The following MOXD1 variants were observed in gnomAD, a reference collection of about 807,000 sequenced individuals.
The protein encoded by MOXD1 is DBH-like monooxygenase protein 1.
In MOXD1, 62 loss-of-function variants were observed where a neutral mutation model predicts 66.6. The ratio of observed to expected loss-of-function variants is 0.93; its 90% CI spans 0.76 to 1.15. The LOEUF is 1.15. MOXD1 is among the 50% of genes most tolerant of loss of function. MOXD1 has a pLI of 0.00. For missense variants in MOXD1, 847 were observed against 754.6 expected (o/e 1.12, Z -1.44); for synonymous variants, 303 against 281.9 (o/e 1.07, Z -0.75).
chr6:132,401,074 G>A (rs1352398243), intron 1 of MOXD1, 89 bp downstream of exon 1: 3 of 1,354,348 alleles, frequency 2.2e-6, no homozygotes, highest in East Asian at 3.0e-5. Flanking sequence ...AGAGCTGCGG[G>A]CCCCGGGGAC....
At chr6:132,327,903 T>C in intron 6 of MOXD1, 110 bp downstream of exon 6, 1 of 793,884 alleles carries the variant, frequency 1.3e-6, no homozygotes, top group Non-Finnish European at 2.1e-6. Flanking sequence ...AATATATAGG[T>C]TAATTCCTTC....
At chr6:132,310,672 A>G (rs1369424446) in intron 10 of MOXD1, among the ~76,000 whole-genome samples, 1 of 152,214 alleles carries the variant, frequency 6.6e-6, no homozygotes, top group East Asian at 1.9e-4. Context: ...TGCCACAAAA[A>G]GGAATGAGAT....
At chr6:132,320,478 C>T in intron 9 of MOXD1, 151 bp downstream of exon 9, 3 of 578,158 alleles carry the variant, frequency 5.2e-6, no homozygotes, top group South Asian at 5.7e-5. Context: ...ATGCTAAAAA[C>T]ATCTCTGATG....
chr6:132,396,683 AAT>A (rs1776887369), intron 1 of MOXD1, among the ~76,000 whole-genome samples: 1 of 152,192 alleles, frequency 6.6e-6, no homozygotes, highest in African/African-American at 2.4e-5. Flanking sequence ...AAAATGAAAA[AAT>A]AGACAAGTAT....
chr6:132,352,822 G>A (rs1439826544), intron 4 of MOXD1, among the ~76,000 whole-genome samples: 7 of 152,188 alleles, frequency 4.6e-5, no homozygotes, highest in African/African-American at 7.2e-5. Flanking sequence ...CCAATGTTAC[G>A]TGCATGTATG....
In MOXD1 at chr6:132,351,367, T is replaced by C. The variant is rs544015948; in HGVS notation, c.663+21241A>G. On this transcript the variant is annotated intron_variant, in intron 4 of 11. Coordinates refer to ENST00000367963, the MANE Select transcript of MOXD1 (RefSeq NM_015529.4). ...AATCGTAAAGGGATGCCAGATTTTG[T>C]TGGATGCTTTTTCTGCATCTATTGA... Among the ~76,000 whole-genome samples the C allele has an allele frequency of 1.4e-4, 22 of 152,298 alleles. No individual in the cohort carries two copies. In the South Asian group the frequency reaches 4.3e-3, roughly 30 times the overall value.
At chr6:132,306,962 C>G (rs1261662370) in intron 10 of MOXD1, among the ~76,000 whole-genome samples, 1 of 152,056 alleles carries the variant, frequency 6.6e-6, no homozygotes, top group Non-Finnish European at 1.5e-5. Context: ...AACTAGTGTG[C>G]AAAATCATCA....
intron 4 of MOXD1, among the ~76,000 whole-genome samples, chr6:132,352,307 T>A (rs908164479): frequency 1.3e-5 from 2 of 152,180 alleles, no homozygotes; most frequent in African/African-American, 4.8e-5. Flanking sequence ...CTTTGCTGTA[T>A]CCCACAGATT....
Position 132,322,861 on chromosome 6 carries a change from C to T in MOXD1, c.1123G>A (p.Ala375Thr), listed in dbSNP as rs770792238. ...ACATGAATTCCACTTGGCTTTTCGGCTTCCAGAGCCTACAGGAGACACCGA... is the reference window on the plus strand; with the variant it reads ...ACATGAATTCCACTTGGCTTTTCGGTTTCCAGAGCCTACAGGAGACACCGA... ...TLECLEEALE[A>T]EKPSGIHVFA... Residue 375 changes from alanine (A) to threonine (T), a missense_variant, in exon 8 of 12, where the codon GCC (alanine) becomes ACC (threonine). Physicochemically the swap from Ala to Thr is moderately conservative, Grantham distance 58. Transcript: ENST00000367963. 4 of 1,612,730 alleles carry T rather than the reference C, an allele frequency of 2.5e-6. No homozygotes were observed. In the South Asian group the frequency reaches 4.4e-5, roughly 18 times the overall value.
intron 1 of MOXD1, among the ~76,000 whole-genome samples, chr6:132,400,740 C>A (rs552193080): frequency 5.3e-5 from 8 of 152,098 alleles, no homozygotes; most frequent in Non-Finnish European, 8.8e-5. Context: ...ATTTCCACTC[C>A]TAGACAGCAA....
At chr6:132,345,034 AGGCCAACCCAGG>A (rs1038040866) in intron 4 of MOXD1, among the ~76,000 whole-genome samples, 34 of 152,320 alleles carry the variant, frequency 2.2e-4, no homozygotes, top group Non-Finnish European at 4.3e-4. Flanking sequence ...CAGCAGAGCC[AGGCCAACCCAGG>A]GGCCACGGTC....
intron 4 of MOXD1, among the ~76,000 whole-genome samples, chr6:132,340,620 G>T (rs1459915743): frequency 7.0e-6 from 1 of 143,808 alleles, no homozygotes; most frequent in African/African-American, 2.6e-5. Flanking sequence ...TTTACAACAT[G>T]CTAAAACAAC....
intron 1 of MOXD1, among the ~76,000 whole-genome samples, chr6:132,381,691 T>A (rs1024106917): frequency 6.6e-6 from 1 of 152,156 alleles, no homozygotes; most frequent in Non-Finnish European, 1.5e-5. Context: ...TTCAAGTGGA[T>A]AATCAATGGA....
At position 132,297,098 on chromosome 6, in the gene MOXD1, T is replaced by G. The variant is rs1464469711; in HGVS notation, c.*55A>C. ...AGTGGACACAGTCTTTAACCTGTAC[T>G]TCAAATGACAGGTTCAGATCATAGA... On this transcript the variant is annotated 3_prime_UTR_variant, in exon 12 of 12. Coordinates refer to ENST00000367963, the MANE Select transcript of MOXD1 (RefSeq NM_015529.4). 6.3e-7 allele frequency: 1 copy of G among 1,575,162 alleles called. No individual in the cohort carries two copies. Among genetic ancestry groups the G allele is most frequent in the East Asian group, 2.2e-5 (1 of 44,624 alleles).
intron 8 of MOXD1, among the ~76,000 whole-genome samples, chr6:132,321,454 GT>G (rs1353440095): frequency 2.0e-5 from 3 of 151,888 alleles, no homozygotes; most frequent in African/African-American, 4.8e-5. Context: ...CAATAGAATC[GT>G]GAGGCAAATT....
At chr6:132,323,280 A>G (rs113877523) in intron 7 of MOXD1, among the ~76,000 whole-genome samples, 2 of 152,208 alleles carry the variant, frequency 1.3e-5, no homozygotes, top group African/African-American at 2.4e-5. Flanking sequence ...TGAATCGCCC[A>G]TGGTCCTACA....
chr6:132,297,526 G>A (rs1410074189), intron 11 of MOXD1, among the ~76,000 whole-genome samples: 1 of 152,120 alleles, frequency 6.6e-6, no homozygotes, highest in Admixed American at 6.5e-5. Context: ...ATACAAAGCA[G>A]GCTCTATTGC....
intron 1 of MOXD1, among the ~76,000 whole-genome samples, chr6:132,376,930 A>G (rs1378513084): frequency 6.6e-6 from 1 of 152,226 alleles, no homozygotes; most frequent in Non-Finnish European, 1.5e-5. Flanking sequence ...AGATGAAGAC[A>G]TCAAAGAACA....
intron 5 of MOXD1, 125 bp from the exon 6 acceptor site, chr6:132,328,240 GA>G: frequency 8.3e-7 from 1 of 1,202,992 alleles, no homozygotes; most frequent in Non-Finnish European, 1.2e-6. Flanking sequence ...TACAATTGAT[GA>G]AATAAAATAA....
Sources: allele counts gnomAD v4.1 joint callset (sites outside exome capture counted in the v4.1 genomes callset), GRCh38; gene constraint gnomAD v4.1.1; transcripts MANE v1.5; gene names NCBI Gene and HGNC (gene_info 2026-07-23, HGNC 2026-07-21).